ADCY2: variants seen among roughly 807,000 people sequenced by gnomAD.
ADCY2 encodes adenylate cyclase type 2.
ADCY2 carries 31 observed loss-of-function variants against 125.2 expected under a neutral mutation model. The observed-to-expected ratio is 0.25, with a 90% CI of 0.19 to 0.33. ADCY2 has a LOEUF of 0.33. Among genes scored for constraint, ADCY2 ranks in the 10% least tolerant of loss-of-function variants. ADCY2 has a pLI of 1.00. For missense variants in ADCY2, 904 were observed against 1,418.2 expected (o/e 0.64, Z 5.82); for synonymous variants, 512 against 548.4 (o/e 0.93, Z 0.93).
At chr5:7,766,068 C>G (rs1743366302) in intron 16 of ADCY2, among the ~76,000 whole-genome samples, 1 of 152,128 alleles carries the variant, frequency 6.6e-6, no homozygotes, top group African/African-American at 2.4e-5. Flanking sequence ...ATTTTCTCAG[C>G]ATTACCTTTT....
At chr5:7,816,487 C>T (rs1367445714) in intron 22 of ADCY2, among the ~76,000 whole-genome samples, 1 of 152,220 alleles carries the variant, frequency 6.6e-6, no homozygotes, top group Non-Finnish European at 1.5e-5. Flanking sequence ...GCCAGAGCCC[C>T]GCAGAGAAAG....
At chr5:7,800,083 G>A (rs1744545140) in intron 20 of ADCY2, 1 of 152,202 alleles carries the variant, frequency 6.6e-6, no homozygotes, top group African/African-American at 2.4e-5. Context: ...TATTTACACG[G>A]GTGGATTCTA....
chr5:7,652,520 T>C (rs890398244), intron 4 of ADCY2, among the ~76,000 whole-genome samples: 30 of 152,214 alleles, frequency 2.0e-4, no homozygotes, highest in African/African-American at 7.0e-4. Context: ...GTATGACGCA[T>C]TTTGGATATG....
At chr5:7,586,636 T>G (rs1736636807) in intron 3 of ADCY2, among the ~76,000 whole-genome samples, 1 of 152,106 alleles carries the variant, frequency 6.6e-6, no homozygotes, top group Admixed American at 6.6e-5. Context: ...TCTCGGGGGA[T>G]GTCTTCAGGC....
intron 4 of ADCY2, among the ~76,000 whole-genome samples, chr5:7,635,487 G>A (rs934784295): frequency 6.6e-6 from 1 of 152,256 alleles, no homozygotes; most frequent in Non-Finnish European, 1.5e-5. Context: ...CTGGATGATG[G>A]TTGGTGTGGC....
chr5:7,655,346 A>G (rs938733642), intron 4 of ADCY2, among the ~76,000 whole-genome samples: 4 of 152,182 alleles, frequency 2.6e-5, no homozygotes, highest in Non-Finnish European at 4.4e-5. Context: ...CACTAACACA[A>G]TTATGGAGAT....
At chr5:7,730,578 C>A (rs1290573327) in intron 14 of ADCY2, among the ~76,000 whole-genome samples, 1 of 152,070 alleles carries the variant, frequency 6.6e-6, no homozygotes, top group Admixed American at 6.6e-5. Context: ...CTATGAGTAA[C>A]AATAGCTGCC....
At chr5:7,686,605 T>C (rs1740528719) in intron 4 of ADCY2, among the ~76,000 whole-genome samples, 1 of 152,190 alleles carries the variant, frequency 6.6e-6, no homozygotes. Flanking sequence ...AACTTAATTT[T>C]TCAAAAGTAT....
intron 3 of ADCY2, among the ~76,000 whole-genome samples, chr5:7,551,399 G>A (rs1735336160): frequency 6.6e-6 from 1 of 152,032 alleles, no homozygotes. Flanking sequence ...AACTTCAGAG[G>A]GTTGAAATGA....
At chr5:7,731,850 G>A (rs1236853640) in intron 14 of ADCY2, among the ~76,000 whole-genome samples, 1 of 152,152 alleles carries the variant, frequency 6.6e-6, no homozygotes, top group Non-Finnish European at 1.5e-5. Context: ...CAATCCGCCT[G>A]CCTCGGCCTC....
At chr5:7,515,778 G>T (rs1744232710) in intron 2 of ADCY2, among the ~76,000 whole-genome samples, 1 of 152,132 alleles carries the variant, frequency 6.6e-6, no homozygotes, top group Admixed American at 6.6e-5. Context: ...TACTGTCCTG[G>T]GCACTGGGGT....
chr5:7,454,414 C>T (rs28493607), intron 2 of ADCY2, among the ~76,000 whole-genome samples: 2,914 of 152,238 alleles, frequency 0.019, 94 homozygotes, highest in African/African-American at 0.066. Context: ...GGAGCCCAAC[C>T]TACAATATTA....
chr5:7,731,817 G>T (rs1032712449), intron 14 of ADCY2, among the ~76,000 whole-genome samples: 2 of 149,682 alleles, frequency 1.3e-5, no homozygotes, highest in Non-Finnish European at 1.5e-5. Context: ...TGGCCAGGCC[G>T]GTCTCAAACT....
At chr5:7,436,663 G>C (rs964379862) in intron 2 of ADCY2, among the ~76,000 whole-genome samples, 1 of 152,248 alleles carries the variant, frequency 6.6e-6, no homozygotes, top group African/African-American at 2.4e-5. Flanking sequence ...TTGCTCATCA[G>C]CCACCAGTGC....
intron 2 of ADCY2, among the ~76,000 whole-genome samples, chr5:7,419,047 T>C (rs1421517010): frequency 6.6e-6 from 1 of 152,166 alleles, no homozygotes; most frequent in East Asian, 1.9e-4. Context: ...GAAAGCACTG[T>C]GCTTAGGAAA....
intron 2 of ADCY2, among the ~76,000 whole-genome samples, chr5:7,466,420 G>T (rs945627930): frequency 7.9e-5 from 12 of 152,170 alleles, no homozygotes; most frequent in African/African-American, 2.9e-4. Context: ...AGCAGCTCTA[G>T]TGAGAAAGGT....
At chr5:7,825,920 G>A (rs1016807804) in intron 24 of ADCY2, among the ~76,000 whole-genome samples, 1 of 152,236 alleles carries the variant, frequency 6.6e-6, no homozygotes, top group African/African-American at 2.4e-5. Context: ...ACGGCCATCC[G>A]ACCTGCAGGG....
In ADCY2 at chr5:7,600,173, A is replaced by G. The variant is rs577641609; in HGVS notation, c.571-25994A>G. On this transcript the variant is annotated intron_variant, in intron 3 of 24. Transcript: ENST00000338316. ...ACTGGAACTGACTTCTCTTTCAAGA[A>G]ACTTGATAGAGATAAAGAGGGAAGG... Among the ~76,000 whole-genome samples the G allele has an allele frequency of 1.8e-4, 27 of 152,336 alleles. 1 individual carries two copies. In the South Asian group the frequency reaches 5.6e-3, roughly 32 times the overall value.
intron 2 of ADCY2, among the ~76,000 whole-genome samples, chr5:7,457,840 C>G (rs1291568390): frequency 6.6e-6 from 1 of 152,090 alleles, no homozygotes. Context: ...TCGTAGTTAC[C>G]ACGTCGTCCT....
Sources: allele counts gnomAD v4.1 joint callset (sites outside exome capture counted in the v4.1 genomes callset), GRCh38; gene constraint gnomAD v4.1.1; transcripts MANE v1.5; gene names NCBI Gene and HGNC (gene_info 2026-07-23, HGNC 2026-07-21).